Variants in CHKA observed in about 807,000 individuals in gnomAD.
CHKA encodes choline kinase alpha.
Under a neutral mutation model 60.1 loss-of-function variants are expected in CHKA, and 34 were observed. That is an observed-to-expected ratio of 0.57 (90% CI 0.43 to 0.75). The LOEUF (loss-of-function observed/expected upper bound fraction) is 0.75, where lower values mean the gene tolerates loss of function less well. Ranked by LOEUF, CHKA falls within the 30% of genes least tolerant of loss-of-function variation. The probability of loss-of-function intolerance (pLI) is 0.00; values close to 1 mark genes in which losing one functional copy is unlikely to be tolerated. For synonymous variants in CHKA, 217 were observed against 223.1 expected (o/e 0.97, Z 0.24); for missense variants, 563 against 561.3 (o/e 1.00, Z -0.03).
Position 68,093,213 on chromosome 11 carries a change from T to G in CHKA, c.462+3806A>C, listed in dbSNP as rs532810870. Among the ~76,000 whole-genome samples, 8 of 152,280 alleles carry G rather than the reference T, an allele frequency of 5.3e-5. No individual in the cohort carries two copies. The South Asian group carries it at 1.7e-3, about 32-fold the overall frequency. On this transcript the variant is annotated intron_variant, in intron 2 of 11. Coordinates refer to ENST00000265689, the MANE Select transcript of CHKA (RefSeq NM_001277.3). ...TAGGGTTTGGCCATGTTGCCCAGGC[T>G]GGTTTCAAACTCCTGGACTCAAGCA...
At position 68,121,230 on chromosome 11, in the gene CHKA, C is replaced by G; in HGVS notation, c.-53G>C. The G allele has an allele frequency of 9.2e-7, 1 of 1,091,380 alleles. No individual in the cohort carries two copies. Among genetic ancestry groups the G allele is most frequent in the Non-Finnish European group, 1.1e-6 (1 of 897,814 alleles). The allele number at this position is 1,091,380 out of a possible 1,614,324, so 67.6% of individuals were successfully genotyped here. A position where few individuals can be genotyped will look rare whatever the true frequency, so the allele number is the denominator to read the frequency against. The stretch of plus-strand genomic sequence containing the variant: ...GCGGCCGCAGCGCGAGAGGACTAGG[C>G]TCAGAGTCCGGCCGGGCGCCCCCTC... On this transcript the variant is annotated 5_prime_UTR_variant, in exon 1 of 12. Transcript: ENST00000265689.
Position 68,121,164 on chromosome 11 carries a change from A to T in CHKA, c.14T>A (p.Phe5Tyr), listed in dbSNP as rs1858634989. 2 of 1,203,512 alleles carry T rather than the reference A, an allele frequency of 1.7e-6. No homozygotes were observed. The highest frequency in any genetic ancestry group is 4.1e-5 in the Admixed American group (1 of 24,256). The allele number at this position is 1,203,512 out of a possible 1,614,324, so 74.6% of individuals were successfully genotyped here. ...GGGCTCCGCCTCGCCCCCGGTGCAG[A>T]ATTTGGTTTTCATGCCCGACAGGCG... is the stretch of plus-strand genomic sequence containing the variant. MKTKFCTGGEAEPSP... is the reference protein window; with the variant it reads MKTKYCTGGEAEPSP... The change falls in exon 1 of 12, where the codon TTC (phenylalanine) becomes TAC (tyrosine). Residue 5 changes from phenylalanine to tyrosine, a missense_variant. Physicochemically the swap from Phe to Tyr is conservative, Grantham distance 22. Coordinates refer to ENST00000265689, the MANE Select transcript of CHKA (RefSeq NM_001277.3).
Position 68,068,950 on chromosome 11 carries a change from GT to G in CHKA, c.870-14del, listed in dbSNP as rs769475788. 3 of 1,605,742 alleles carry G rather than the reference GT, an allele frequency of 1.9e-6. No individual in the cohort carries two copies. The highest frequency in any genetic ancestry group is 2.6e-6 in the Non-Finnish European group (3 of 1,174,520). On this transcript the variant is annotated splice_polypyrimidine_tract_variant and intron_variant, in intron 6 of 11. Coordinates refer to ENST00000265689, the MANE Select transcript of CHKA (RefSeq NM_001277.3). The stretch of plus-strand genomic sequence containing the variant: ...TTCAAGCAATGATCTGAAAAGAAAG[GT>G]TTCACTGTTACCCATCACGCTTCTC...
At chr11:68,055,303 T>C (rs1487104471) in intron 11 of CHKA, among the ~76,000 whole-genome samples, 3 of 152,036 alleles carry the variant, frequency 2.0e-5, no homozygotes, top group African/African-American at 7.2e-5. Context: ...GGCAGGAGAA[T>C]TGCTTGAACC....
rs1283988003 is a variant in CHKA, at chr11:68,070,851, G to A, written c.637C>T (p.Arg213Ter). ...AAACTTAATTCTTCAGTATCTAATC[G>A]CCGGCTCTGAAAAAGAAAAGGGAGT... ...GRLEQFIPSRRLDTEELSLPD... is the reference protein window; with the variant it reads ...GRLEQFIPSR Residue 213 changes from arginine (R) to a stop codon, truncating the protein, a stop_gained, in exon 5 of 12, where the codon CGA (arginine) becomes TGA (stop). Coordinates refer to ENST00000265689, the MANE Select transcript of CHKA (RefSeq NM_001277.3). LOFTEE classifies it high-confidence loss of function. 1.2e-6 allele frequency: 2 copies of A among 1,606,012 alleles called. No homozygotes were observed. The highest frequency in any genetic ancestry group is 1.7e-6 in the Non-Finnish European group (2 of 1,174,660).
At chr11:68,084,325 T>C (rs561066075) in intron 2 of CHKA, among the ~76,000 whole-genome samples, 32 of 140,114 alleles carry the variant, frequency 2.3e-4, no homozygotes, top group African/African-American at 8.3e-4. Flanking sequence ...TGTATATATA[T>C]ACACATATAC....
At chr11:68,075,732 T>TAA (rs1342969618) in intron 3 of CHKA, among the ~76,000 whole-genome samples, 1 of 152,034 alleles carries the variant, frequency 6.6e-6, no homozygotes, top group African/African-American at 2.4e-5. Context: ...GGCCAGGAGT[T>TAA]AGAGACCAGC....
At chr11:68,095,130 C>A (rs1212690985) in intron 2 of CHKA, among the ~76,000 whole-genome samples, 4 of 152,042 alleles carry the variant, frequency 2.6e-5, no homozygotes, top group African/African-American at 9.7e-5. Flanking sequence ...CAGGGCCAGG[C>A]GCGGTGGCTC....
chr11:68,067,522 C>CTACTCAGG (rs1015059890), intron 7 of CHKA, among the ~76,000 whole-genome samples: 18 of 152,224 alleles, frequency 1.2e-4, no homozygotes, highest in African/African-American at 4.1e-4. Flanking sequence ...TTAAGCCCAA[C>CTACTCAGG]AGGCTAAGGT....
At chr11:68,068,705 A>G (rs188981466) in intron 7 of CHKA, among the ~76,000 whole-genome samples, 174 bp downstream of exon 7, 11 of 152,302 alleles carry the variant, frequency 7.2e-5, no homozygotes, top group African/African-American at 2.6e-4. Flanking sequence ...GACATGAGAC[A>G]TTGTGACTGG....
At chr11:68,057,034 C>A (rs569898071) in intron 11 of CHKA, among the ~76,000 whole-genome samples, 2 of 152,138 alleles carry the variant, frequency 1.3e-5, no homozygotes, top group African/African-American at 4.8e-5. Flanking sequence ...CAACCCTCAA[C>A]CTGTGGGGTC....
intron 11 of CHKA, among the ~76,000 whole-genome samples, chr11:68,055,400 G>A (rs1373924430): frequency 6.6e-6 from 1 of 152,130 alleles, no homozygotes; most frequent in Admixed American, 6.5e-5. Flanking sequence ...CTCAAAAACA[G>A]ACAAACAAAT....
chr11:68,105,533 A>G (rs1246920536), intron 1 of CHKA, among the ~76,000 whole-genome samples: 2 of 151,016 alleles, frequency 1.3e-5, no homozygotes, highest in Admixed American at 6.6e-5. Context: ...AAAAAAAAAA[A>G]AAAAAAAGAA....
intron 1 of CHKA, among the ~76,000 whole-genome samples, chr11:68,101,105 A>G (rs546471813): frequency 1.3e-5 from 2 of 150,658 alleles, no homozygotes; most frequent in East Asian, 3.9e-4. Flanking sequence ...CCACCACCAC[A>G]CCGGGCTAAT....
intron 1 of CHKA, among the ~76,000 whole-genome samples, chr11:68,105,921 C>G (rs1007282170): frequency 2.0e-5 from 3 of 152,066 alleles, no homozygotes; most frequent in Non-Finnish European, 4.4e-5. Context: ...CCATGACTAT[C>G]ATCTAAAAGT....
intron 1 of CHKA, among the ~76,000 whole-genome samples, chr11:68,106,750 T>C (rs1371571193): frequency 6.6e-6 from 1 of 152,180 alleles, no homozygotes; most frequent in Non-Finnish European, 1.5e-5. Context: ...CAAAGGTTAA[T>C]GTTTAAGAGG....
chr11:68,073,008 A>G (rs1272868650), intron 4 of CHKA, among the ~76,000 whole-genome samples: 1 of 152,240 alleles, frequency 6.6e-6, no homozygotes, highest in Non-Finnish European at 1.5e-5. Context: ...AAAATTTAAT[A>G]TATAATAAAC....
At position 68,117,856 on chromosome 11, in the gene CHKA, C is replaced by T. The variant is rs150643449; in HGVS notation, c.350+2972G>A. 7.4e-4 allele frequency among the ~76,000 whole-genome samples: 113 copies of T among 152,256 alleles called. 2 individuals are homozygous for T. In the East Asian group the frequency reaches 0.019, roughly 26 times the overall value. ...CCTAAGGCACCTCCTGTTCTAGTGT[C>T]TAAGCAAGGACAGCAAAGGGACCAG... On this transcript the variant is annotated intron_variant, in intron 1 of 11. Transcript: ENST00000265689.
chr11:68,085,350 A>C (rs1219722205), intron 2 of CHKA, among the ~76,000 whole-genome samples: 1 of 151,876 alleles, frequency 6.6e-6, no homozygotes, highest in Non-Finnish European at 1.5e-5. Flanking sequence ...TAGCCTCCCA[A>C]GTAGCAGGAC....
Sources: gnomAD v4.1 joint callset for allele counts (sites outside exome capture counted in the v4.1 genomes callset) on GRCh38, gnomAD v4.1.1 for gene constraint, MANE v1.5 for transcripts, NCBI Gene and HGNC (gene_info 2026-07-23, HGNC 2026-07-21) for gene names.